The following HEPH variants were observed in gnomAD, a reference collection of about 807,000 sequenced individuals.
The protein encoded by HEPH is hephaestin.
In HEPH, 69 loss-of-function variants were observed where a neutral mutation model predicts 80.8. That is an observed-to-expected ratio of 0.85 (90% CI 0.70 to 1.04). HEPH has a LOEUF of 1.04. Among genes scored for constraint, HEPH ranks in the 50% least tolerant of loss-of-function variants. HEPH has a pLI of 0.00. For synonymous variants in HEPH, 431 were observed against 322.8 expected, an observed-to-expected ratio of 1.34 and a Z score of -3.60; for missense variants, 1,115 against 891.3, an observed-to-expected ratio of 1.25 and a Z score of -3.20.
At chrX:66,200,276 G>A (rs1051087099) in intron 11 of HEPH, among the ~76,000 whole-genome samples, 1 of 108,719 alleles carries the variant, frequency 9.2e-6, no homozygotes, top group African/African-American at 3.4e-5. Flanking sequence ...GTGTGTGTTT[G>A]GTAGTGGAGA....
At chrX:66,238,068 G>A (rs952361105) in intron 15 of HEPH, among the ~76,000 whole-genome samples, 5 of 111,516 alleles carry the variant, frequency 4.5e-5, no homozygotes, top group Admixed American at 9.5e-5. Flanking sequence ...GGTTCCTTAC[G>A]CAGCTTGCCA....
At chrX:66,239,823 A>T in intron 15 of HEPH, among the ~76,000 whole-genome samples, 1 of 112,158 alleles carries the variant, frequency 8.9e-6, no homozygotes, top group Non-Finnish European at 1.9e-5. Context: ...TACCATAACA[A>T]TCAAGATAAA....
At chrX:66,257,057 G>C (rs1472679515) in intron 17 of HEPH, among the ~76,000 whole-genome samples, 1 of 112,164 alleles carries the variant, frequency 8.9e-6, no homozygotes, top group Non-Finnish European at 1.9e-5. Context: ...AGAATGAGGA[G>C]CATCTTTGAT....
At chrX:66,209,417 A>T (rs1478542408) in intron 15 of HEPH, among the ~76,000 whole-genome samples, 1 of 112,041 alleles carries the variant, frequency 8.9e-6, no homozygotes, top group Non-Finnish European at 1.9e-5. Context: ...GAATTTGCTC[A>T]TTCAAATAAG....
At position 66,172,590 on chromosome X, in the gene HEPH, G is replaced by T; in HGVS notation, c.403G>T (p.Asp135Tyr). 1 of 1,149,903 alleles carries T rather than the reference G, an allele frequency of 8.7e-7. No homozygotes were observed. The highest frequency in any genetic ancestry group is 1.2e-6 in the Non-Finnish European group (1 of 863,198). The allele number at this position is 1,149,903 out of a possible 1,213,427, so 94.8% of individuals were successfully genotyped here. ...IHPHGVFYEKDSEGSLYPDGS... is the reference protein window; with the variant it reads ...IHPHGVFYEKYSEGSLYPDGS... ...CCCTCATGGTGTCTTCTACGAGAAGGACTCTGAAGGTAAACCATTCCACCG... is the reference window on the plus strand; with the variant it reads ...CCCTCATGGTGTCTTCTACGAGAAGTACTCTGAAGGTAAACCATTCCACCG... The change falls in exon 3 of 21, where the codon GAC (aspartate) becomes TAC (tyrosine). Residue 135 changes from aspartate to tyrosine, a missense_variant. Asp to Tyr is a radical substitution (Grantham distance 160). Around this residue, in one of 3 missense-constraint regions of HEPH, gnomAD observed 391 missense variants for 343.6 expected, o/e 1.14. Transcript: ENST00000343002.
intron 11 of HEPH, among the ~76,000 whole-genome samples, chrX:66,200,111 C>G (rs779013019): frequency 2.7e-5 from 3 of 109,871 alleles, no homozygotes; most frequent in Non-Finnish European, 5.7e-5. Flanking sequence ...ATCCCCAACA[C>G]GTATGGGGGC....
At chrX:66,239,418 T>C (rs1162963747) in intron 15 of HEPH, among the ~76,000 whole-genome samples, 1 of 112,210 alleles carries the variant, frequency 8.9e-6, no homozygotes, top group Non-Finnish European at 1.9e-5. Context: ...TTTGTGTCAG[T>C]ACCTCAGTGG....
In HEPH at chrX:66,201,560, AT is replaced by A. The variant is rs1201625560; in HGVS notation, c.2077+817del. ...ATCTTTTCTTTAGTCCCTATGGTGT[AT>A]TTTTTTTTCCAGCCATTAGATGGCA... On this transcript the variant is annotated intron_variant, in intron 12 of 20. Coordinates refer to ENST00000343002, the MANE Select transcript of HEPH (RefSeq NM_001367233.3). Among the ~76,000 whole-genome samples the A allele has an allele frequency of 6.2e-3, 677 of 109,924 alleles. 8 individuals carry two copies. The highest frequency in any genetic ancestry group is 0.021 in the African/African-American group (637 of 30,271).
chrX:66,232,260 C>T (rs2090179766), intron 15 of HEPH, among the ~76,000 whole-genome samples: 1 of 110,721 alleles, frequency 9.0e-6, no homozygotes, highest in Non-Finnish European at 1.9e-5. Flanking sequence ...GTGTCTCTGC[C>T]CGGCTTTGGT....
At chrX:66,206,613 G>C (rs772594799) in intron 13 of HEPH, among the ~76,000 whole-genome samples, 1 of 108,020 alleles carries the variant, frequency 9.3e-6, no homozygotes, top group African/African-American at 3.4e-5. Flanking sequence ...GCAATCTACC[G>C]GCCTTAGCAT....
chrX:66,221,102 C>T (rs918495502), intron 15 of HEPH, among the ~76,000 whole-genome samples: 5 of 111,399 alleles, frequency 4.5e-5, no homozygotes, highest in Non-Finnish European at 9.4e-5. Context: ...TCTCATGCTT[C>T]GGCTGTGCGT....
intron 15 of HEPH, among the ~76,000 whole-genome samples, chrX:66,234,284 G>A (rs1307867446): frequency 9.1e-6 from 1 of 110,114 alleles, no homozygotes; most frequent in African/African-American, 3.3e-5. Flanking sequence ...TACTTATAAT[G>A]CTTCTTTTTT....
rs1011455829 is a variant in HEPH at position 66,224,072 on chromosome X, C to A, written c.2563+15826C>A. On this transcript the variant is annotated intron_variant, in intron 15 of 20. Transcript: ENST00000343002. Reference sequence around the variant, plus strand: ...CACTCTTTTTACTAAATTCTGCAGCCCCTCTTTCCCCCGCTTTTTTTTTTT... The same window carrying A: ...CACTCTTTTTACTAAATTCTGCAGCACCTCTTTCCCCCGCTTTTTTTTTTT... 6.6e-5 allele frequency among the ~76,000 whole-genome samples: 6 copies of A among 90,541 alleles called. No individual in the cohort carries two copies. In the South Asian group the frequency reaches 2.4e-3, roughly 37 times the overall value. 78.6% of individuals were successfully genotyped at this position (90,541 alleles called of 115,157 possible).
upstream of HEPH, chrX:66,162,858 A>G: frequency 8.7e-7 from 1 of 1,154,863 alleles, no homozygotes; most frequent in Non-Finnish European, 1.1e-6. Flanking sequence ...GCTCCTAGCC[A>G]AGATCTCCTC....
intron 15 of HEPH, among the ~76,000 whole-genome samples, chrX:66,249,008 G>T (rs1217358038): frequency 9.0e-6 from 1 of 111,455 alleles, no homozygotes; most frequent in Non-Finnish European, 1.9e-5. Context: ...GGTGTAGGAG[G>T]TTTGAAGAAA....
rs1221259258 is a variant in HEPH at position 66,207,066 on chromosome X, T to C, written c.2292-129T>C. On this transcript the variant is annotated intron_variant, in intron 13 of 20. Coordinates refer to ENST00000343002, the MANE Select transcript of HEPH (RefSeq NM_001367233.3). ...TTTAAAAAAAAGAAAAAAAAAGAAA[T>C]AGGTCCCCCCCCTTTTTTTTTTCTG... 15 of 419,699 alleles carry C rather than the reference T, an allele frequency of 3.6e-5. No homozygotes were observed. In the Admixed American group the frequency reaches 5.6e-4, roughly 16 times the overall value. The allele number at this position is 419,699 out of a possible 1,213,427, so 34.6% of individuals were successfully genotyped here.
intron 11 of HEPH, among the ~76,000 whole-genome samples, chrX:66,199,342 A>G (rs1289648396): frequency 3.9e-5 from 4 of 103,115 alleles, no homozygotes; most frequent in African/African-American, 7.6e-5. Context: ...CCTCTTCCTT[A>G]TATTTTAGTA....
intron 3 of HEPH, among the ~76,000 whole-genome samples, chrX:66,172,922 G>A (rs1163684476): frequency 2.7e-5 from 3 of 112,362 alleles, no homozygotes; most frequent in Admixed American, 1.9e-4. Context: ...GAAAAGAAAA[G>A]AGAATGCTAT....
chrX:66,221,903 G>A (rs895929472), intron 15 of HEPH, among the ~76,000 whole-genome samples: 1 of 112,316 alleles, frequency 8.9e-6, no homozygotes, highest in African/African-American at 3.2e-5. Context: ...AAATGGATGT[G>A]AGAGTCAAAA....
Sources: allele counts gnomAD v4.1 joint callset (sites outside exome capture counted in the v4.1 genomes callset), GRCh38; gene constraint gnomAD v4.1.1; regional missense constraint gnomAD v4.1.1; transcripts MANE v1.5; gene names NCBI Gene and HGNC (gene_info 2026-07-23, HGNC 2026-07-21).